PBX3: variants seen among roughly 807,000 people sequenced by gnomAD.
PBX3 encodes the protein PBX homeobox 3, also known as pre-B-cell leukemia transcription factor 3.
A neutral mutation model predicts 48.5 loss-of-function variants in PBX3; 14 were observed. That is an observed-to-expected ratio of 0.29 (90% confidence interval 0.19 to 0.45). The LOEUF is 0.45. Ranked by LOEUF, PBX3 falls within the 20% of genes least tolerant of loss-of-function variation. The probability of loss-of-function intolerance (pLI) is 1.00; values close to 1 mark genes in which losing one functional copy is unlikely to be tolerated. For synonymous variants in PBX3, 210 were observed against 200.3 expected (o/e 1.05, Z -0.41); for missense variants, 386 against 546.7 (o/e 0.71, Z 2.93).
intron 5 of PBX3, among the ~76,000 whole-genome samples, chr9:125,949,674 G>C (rs1393304805): frequency 6.6e-6 from 1 of 152,126 alleles, no homozygotes; most frequent in Admixed American, 6.5e-5. Context: ...CTGGATTTTT[G>C]AAAAGAAAAG....
Position 125,943,200 on chromosome 9 carries a change from CAA to C in PBX3, c.843+7598_843+7599del, listed in dbSNP as rs1403904949. On this transcript the variant is annotated intron_variant, in intron 5 of 8. Transcript: ENST00000373489. ...GGGCAACCTCGTCTCTACTAAAATA[CAA>C]AAAATTAGCCGGGCGTGGTGGCACA... Among the ~76,000 whole-genome samples, 9 of 151,482 alleles carry C rather than the reference CAA, an allele frequency of 5.9e-5. No individual in the cohort carries two copies. In the East Asian group the frequency reaches 1.8e-3, roughly 30 times the overall value.
At position 125,962,910 on chromosome 9, in the gene PBX3, T is replaced by C. The variant is rs111308968; in HGVS notation, c.1123-102T>C. 4.5e-5 allele frequency: 23 copies of C among 508,732 alleles called. 1 individual carries two copies. Among genetic ancestry groups the C allele is most frequent in the African/African-American group, 3.1e-4 (16 of 51,966 alleles). The allele number at this position is 508,732 out of a possible 1,614,324, so 31.5% of individuals were successfully genotyped here. The stretch of plus-strand genomic sequence containing the variant: ...TGATAAATTTGTCTTTCATTGAAGA[T>C]GTTAAACCCTTGTGGCACACATAAT... On this transcript the variant is annotated intron_variant, in intron 7 of 8. Coordinates refer to ENST00000373489, the MANE Select transcript of PBX3 (RefSeq NM_006195.6).
intron 5 of PBX3, among the ~76,000 whole-genome samples, chr9:125,937,233 T>C (rs1229718892): frequency 6.6e-6 from 1 of 152,232 alleles, no homozygotes; most frequent in African/African-American, 2.4e-5. Flanking sequence ...ACTTTGTGTG[T>C]AGTGTAGAGT....
chr9:125,803,227 A>G (rs1001018285), intron 2 of PBX3, among the ~76,000 whole-genome samples: 9 of 150,434 alleles, frequency 6.0e-5, no homozygotes, highest in Middle Eastern at 3.4e-3. Flanking sequence ...AGTTAGGATT[A>G]TAGGCACGGG....
intron 2 of PBX3, among the ~76,000 whole-genome samples, chr9:125,799,683 T>A (rs891852088): frequency 2.7e-4 from 41 of 152,344 alleles, no homozygotes; most frequent in African/African-American, 9.6e-4. Flanking sequence ...TGAAGACATG[T>A]AGAGCAGATT....
chr9:125,829,121 A>T (rs1188740985), intron 2 of PBX3, among the ~76,000 whole-genome samples: 1 of 152,212 alleles, frequency 6.6e-6, no homozygotes, highest in African/African-American at 2.4e-5. Flanking sequence ...TCATGTAGAA[A>T]GTGCAACTTT....
intron 2 of PBX3, among the ~76,000 whole-genome samples, chr9:125,826,664 T>G (rs1838816862): frequency 6.6e-6 from 1 of 152,136 alleles, no homozygotes; most frequent in South Asian, 2.1e-4. Flanking sequence ...TACTAAGTAT[T>G]TAGATGGTTC....
At chr9:125,926,869 A>G (rs141025801) in intron 3 of PBX3, among the ~76,000 whole-genome samples, 1 of 152,292 alleles carries the variant, frequency 6.6e-6, no homozygotes, top group African/African-American at 2.4e-5. Context: ...AGTGGGGAAG[A>G]TCTTAAATTT....
At chr9:125,788,896 GC>G (rs1190311254) in intron 2 of PBX3, among the ~76,000 whole-genome samples, 1 of 151,490 alleles carries the variant, frequency 6.6e-6, no homozygotes, top group Non-Finnish European at 1.5e-5. Context: ...AGGAAAGCTT[GC>G]TGTGTAGCCT....
At chr9:125,932,669 T>C (rs573307000) in intron 4 of PBX3, among the ~76,000 whole-genome samples, 2 of 152,378 alleles carry the variant, frequency 1.3e-5, no homozygotes, top group Admixed American at 1.3e-4. Context: ...ACAAAGATAG[T>C]AAAACATGTC....
intron 2 of PBX3, among the ~76,000 whole-genome samples, chr9:125,833,800 A>C (rs1285968571): frequency 3.9e-5 from 6 of 152,200 alleles, no homozygotes; most frequent in Admixed American, 3.3e-4. Flanking sequence ...TAATGCTGCT[A>C]TGAATATTTG....
chr9:125,851,873 T>G (rs1588218943), intron 2 of PBX3, among the ~76,000 whole-genome samples: 2 of 149,792 alleles, frequency 1.3e-5, no homozygotes, highest in Middle Eastern at 3.4e-3. Context: ...TTTGCTGCTT[T>G]TTTTTTTTTT....
At chr9:125,945,873 G>A (rs1052055238) in intron 5 of PBX3, among the ~76,000 whole-genome samples, 3 of 152,128 alleles carry the variant, frequency 2.0e-5, no homozygotes, top group African/African-American at 7.2e-5. Flanking sequence ...TCCTAGTTGA[G>A]GCCCTGGGAA....
At chr9:125,931,342 A>G (rs369625146) in intron 4 of PBX3, among the ~76,000 whole-genome samples, 23 of 152,182 alleles carry the variant, frequency 1.5e-4, no homozygotes, top group African/African-American at 5.1e-4. Context: ...CACTCCACCC[A>G]GGCTGGAGTG....
intron 2 of PBX3, among the ~76,000 whole-genome samples, chr9:125,802,266 C>T (rs149260839): frequency 5.3e-5 from 8 of 151,906 alleles, no homozygotes; most frequent in African/African-American, 1.4e-4. Flanking sequence ...TGTCCCCACC[C>T]ACCCCTCTCT....
rs1169400271 is a variant in PBX3, at chr9:125,759,375, C to G, written c.274+10752C>G. 6.6e-6 allele frequency among the ~76,000 whole-genome samples: 1 copy of G among 152,192 alleles called. No homozygotes were observed. The highest frequency in any genetic ancestry group is 1.5e-5 in the Non-Finnish European group (1 of 68,038). ...AGATAGAGCAGAGGAGAATGGCTTC[C>G]TCCTGGCTGGTGGGCTGGCAGTTTC... On this transcript the variant is annotated intron_variant, in intron 2 of 8. Transcript: ENST00000373489. This position sits in a 1 kb window ranked among gnomAD's most constrained non-coding sequence, Gnocchi z 4.2.
chr9:125,903,775 G>A (rs1588280357), intron 2 of PBX3, among the ~76,000 whole-genome samples: 1 of 151,856 alleles, frequency 6.6e-6, no homozygotes, highest in African/African-American at 2.4e-5. Flanking sequence ...GAGTGTTTCT[G>A]TAAGGCATTT....
intron 2 of PBX3, among the ~76,000 whole-genome samples, chr9:125,859,506 A>G (rs1328147663): frequency 6.6e-6 from 1 of 152,224 alleles, no homozygotes; most frequent in Non-Finnish European, 1.5e-5. Flanking sequence ...TTGTCTTCTT[A>G]GAATAGCCTT....
chr9:125,965,165 T>C (rs1312926096), intron 8 of PBX3, among the ~76,000 whole-genome samples: 2 of 152,212 alleles, frequency 1.3e-5, no homozygotes, highest in Non-Finnish European at 2.9e-5. Flanking sequence ...GGCAAATTTG[T>C]TTCTGAGTAC....
Sources: gnomAD v4.1 joint callset for allele counts (sites outside exome capture counted in the v4.1 genomes callset) on GRCh38, gnomAD v4.1.1 for gene constraint, Gnocchi (gnomAD v3.1) non-coding constraint, MANE v1.5 for transcripts, NCBI Gene and HGNC (gene_info 2026-07-23, HGNC 2026-07-21) for gene names.